The following KCNMB2 variants were observed in gnomAD, a reference collection of about 807,000 sequenced individuals.
KCNMB2 encodes the protein potassium calcium-activated channel subfamily M regulatory beta subunit 2.
In KCNMB2, 9 loss-of-function variants were observed where a neutral mutation model predicts 24.5. The observed-to-expected ratio is 0.37, with a 90% CI of 0.22 to 0.64. The LOEUF is 0.64. Among genes scored for constraint, KCNMB2 ranks in the 30% least tolerant of loss-of-function variants. KCNMB2 has a pLI of 0.63. For synonymous variants in KCNMB2, 109 were observed against 104.4 expected (o/e 1.04, Z -0.27); for missense variants, 226 against 284.3 (o/e 0.79, Z 1.47).
At chr3:178,783,078 G>A (rs1002580086) in intron 1 of KCNMB2, among the ~76,000 whole-genome samples, 8 of 150,758 alleles carry the variant, frequency 5.3e-5, no homozygotes, top group Admixed American at 1.3e-4. Flanking sequence ...TTTTTCTCAG[G>A]TTTGTCAAAG....
chr3:178,758,406 A>G (rs1250159687), intron 1 of KCNMB2, among the ~76,000 whole-genome samples: 10 of 48,256 alleles, frequency 2.1e-4, no homozygotes, highest in Admixed American at 5.7e-4. Flanking sequence ...ATATATATAT[A>G]TATATATATA....
intron 1 of KCNMB2, among the ~76,000 whole-genome samples, chr3:178,759,423 C>A (rs370519035): frequency 0.11 from 754 of 6,768 alleles, 83 homozygotes; most frequent in African/African-American, 0.2. Context: ...ATATATATAT[C>A]TCTCCAAGAG....
At chr3:178,603,284 A>T (rs1718157039) in intron 1 of KCNMB2, among the ~76,000 whole-genome samples, 1 of 152,196 alleles carries the variant, frequency 6.6e-6, no homozygotes, top group South Asian at 2.1e-4. Flanking sequence ...CAAAGCAGGT[A>T]GTTAAATATA....
intron 1 of KCNMB2, among the ~76,000 whole-genome samples, chr3:178,623,568 G>C (rs1347443797): frequency 1.3e-5 from 2 of 152,116 alleles, no homozygotes; most frequent in East Asian, 3.8e-4. Flanking sequence ...TCAGTGACAG[G>C]TTCAAAGTGG....
At chr3:178,734,420 A>G (rs1559994825) in intron 1 of KCNMB2, among the ~76,000 whole-genome samples, 1 of 152,158 alleles carries the variant, frequency 6.6e-6, no homozygotes, top group Non-Finnish European at 1.5e-5. Context: ...AAATAAAAAC[A>G]CCATTAAGTG....
At chr3:178,583,774 G>A (rs1209258663) in intron 1 of KCNMB2, among the ~76,000 whole-genome samples, 8 of 152,142 alleles carry the variant, frequency 5.3e-5, no homozygotes, top group African/African-American at 1.9e-4. Flanking sequence ...GCACATAAAT[G>A]TACTCAGAAA....
chr3:178,671,628 G>T (rs931482139), intron 1 of KCNMB2, among the ~76,000 whole-genome samples: 1 of 152,110 alleles, frequency 6.6e-6, no homozygotes, highest in African/African-American at 2.4e-5. Context: ...AAAGGTTGAG[G>T]GGCTTAACAG....
At chr3:178,576,073 C>T (rs1272787462) in intron 1 of KCNMB2, among the ~76,000 whole-genome samples, 2 of 152,002 alleles carry the variant, frequency 1.3e-5, no homozygotes, top group African/African-American at 2.4e-5. Context: ...TGAATAGGAA[C>T]AGCTCTGGTC....
chr3:178,727,368 C>T (rs1176251684), intron 1 of KCNMB2, among the ~76,000 whole-genome samples: 3 of 152,184 alleles, frequency 2.0e-5, no homozygotes, highest in Non-Finnish European at 2.9e-5. Flanking sequence ...CTTTCTCCAC[C>T]GTGGTAGGCA....
intron 1 of KCNMB2, among the ~76,000 whole-genome samples, chr3:178,790,987 C>T (rs1375843816): frequency 6.6e-6 from 1 of 152,164 alleles, no homozygotes; most frequent in Non-Finnish European, 1.5e-5. Flanking sequence ...ACCTGGAAAG[C>T]CTTCCCAAGA....
chr3:178,692,677 T>C (rs1267474015), intron 1 of KCNMB2, among the ~76,000 whole-genome samples: 1 of 152,240 alleles, frequency 6.6e-6, no homozygotes, highest in East Asian at 1.9e-4. Flanking sequence ...TTGGGTAGTG[T>C]GATGCCTCTG....
intron 1 of KCNMB2, among the ~76,000 whole-genome samples, chr3:178,693,877 G>C (rs775651796): frequency 1.6e-5 from 2 of 128,062 alleles, no homozygotes; most frequent in Non-Finnish European, 3.2e-5. Context: ...CTGGTCCTGG[G>C]CTTTTTTTCT....
At chr3:178,775,236 C>T (rs187910666) in intron 1 of KCNMB2, among the ~76,000 whole-genome samples, 1 of 152,030 alleles carries the variant, frequency 6.6e-6, no homozygotes, top group Non-Finnish European at 1.5e-5. Context: ...TTTTTAAACA[C>T]TTGATTTCTT....
intron 1 of KCNMB2, among the ~76,000 whole-genome samples, chr3:178,754,449 T>G (rs1723959051): frequency 6.6e-6 from 1 of 152,038 alleles, no homozygotes. Flanking sequence ...CAGAATAAAG[T>G]TGGCACATCT....
At chr3:178,558,958 G>A (rs1716218622) in intron 1 of KCNMB2, 1 of 152,230 alleles carries the variant, frequency 6.6e-6, no homozygotes, top group Non-Finnish European at 1.5e-5. Flanking sequence ...AGCGGCGAGT[G>A]GTGTGAGAGG....
intron 1 of KCNMB2, among the ~76,000 whole-genome samples, chr3:178,679,378 A>G (rs989236497): frequency 1.3e-5 from 2 of 152,178 alleles, no homozygotes; most frequent in African/African-American, 4.8e-5. Context: ...CTACAGGTGC[A>G]TGCCACCATA....
intron 2 of KCNMB2, among the ~76,000 whole-genome samples, chr3:178,810,559 T>C (rs1466836357): frequency 2.0e-5 from 3 of 152,068 alleles, no homozygotes; most frequent in African/African-American, 7.2e-5. Context: ...TGGAAGTCAG[T>C]TTTACTTTTT....
At chr3:178,627,897 G>A (rs1719176800) in intron 1 of KCNMB2, among the ~76,000 whole-genome samples, 1 of 152,160 alleles carries the variant, frequency 6.6e-6, no homozygotes, top group Admixed American at 6.5e-5. Flanking sequence ...AATTTTGATG[G>A]AAGGAAAAAG....
At chr3:178,551,771 A>G (rs976632264) in intron 1 of KCNMB2, among the ~76,000 whole-genome samples, 6 of 152,230 alleles carry the variant, frequency 3.9e-5, no homozygotes, top group African/African-American at 1.4e-4. Flanking sequence ...CCTATCGTGC[A>G]CTTGAGAAAT....
Sources: allele counts gnomAD v4.1 joint callset (sites outside exome capture counted in the v4.1 genomes callset), GRCh38; gene constraint gnomAD v4.1.1; transcripts MANE v1.5; gene names NCBI Gene and HGNC (gene_info 2026-07-23, HGNC 2026-07-21).